The following TRMT11 variants were observed in gnomAD, a reference collection of about 807,000 sequenced individuals.
TRMT11 encodes the protein tRNA methyltransferase 11, also known as tRNA (guanine(10)-N(2))-methyltransferase TRMT11.
In TRMT11, 53 loss-of-function variants were observed where a neutral mutation model predicts 62.8. The ratio of observed to expected loss-of-function variants is 0.84; its 90% CI spans 0.68 to 1.06. TRMT11 has a LOEUF of 1.06. Ranked by LOEUF, TRMT11 falls within the 50% of genes least tolerant of loss-of-function variation. TRMT11 has a pLI of 0.00. For synonymous variants in TRMT11, 188 were observed against 190.3 expected (o/e 0.99, Z 0.10); for missense variants, 556 against 553.4 (o/e 1.00, Z -0.05).
At chr6:126,156,923 T>C (rs553804336) in intron 21 of TRMT11, among the ~76,000 whole-genome samples, 1 of 152,310 alleles carries the variant, frequency 6.6e-6, no homozygotes, top group African/African-American at 2.4e-5. Context: ...ATATCACTCA[T>C]ACACAGGCAT....
chr6:126,181,068 T>C (rs1361053420), intron 1 of TRMT11, among the ~76,000 whole-genome samples: 8 of 152,242 alleles, frequency 5.3e-5, no homozygotes, highest in Admixed American at 3.9e-4. Context: ...AAGAGGATTT[T>C]TTTTTAAAGG....
At chr6:126,143,202 G>C (rs1777939011) in intron 21 of TRMT11, among the ~76,000 whole-genome samples, 1 of 152,052 alleles carries the variant, frequency 6.6e-6, no homozygotes, top group Admixed American at 6.6e-5. Flanking sequence ...TTTTTTCTGA[G>C]TATTAACATT....
At chr6:126,253,987 G>T in the TRMT11 span, among the ~76,000 whole-genome samples, 1 of 152,104 alleles carries the variant, frequency 6.6e-6, no homozygotes, top group Admixed American at 6.5e-5. Context: ...ATATTTCTCA[G>T]GTCAAACAGT....
chr6:126,066,780 G>A (rs1776704536), intron 17 of TRMT11, among the ~76,000 whole-genome samples: 1 of 152,116 alleles, frequency 6.6e-6, no homozygotes, highest in Admixed American at 6.5e-5. Flanking sequence ...AAGTCACATG[G>A]CTTATCAGTG....
At chr6:126,206,165 C>T (rs117527023), downstream of TRMT11, among the ~76,000 whole-genome samples, 734 of 152,282 alleles carry the variant, frequency 4.8e-3, 1 homozygote, top group Non-Finnish European at 8.5e-3. Context: ...GTCAGCTTGG[C>T]CAAAGCCATT....
At chr6:126,125,911 C>G (rs769241231) in intron 21 of TRMT11, among the ~76,000 whole-genome samples, 39 of 152,094 alleles carry the variant, frequency 2.6e-4, no homozygotes, top group South Asian at 6.2e-4. Flanking sequence ...TCTTCTTTCT[C>G]CGAAACACAC....
chr6:126,051,308 A>T (rs1368025839), intron 16 of TRMT11, among the ~76,000 whole-genome samples: 1 of 152,188 alleles, frequency 6.6e-6, no homozygotes, highest in Non-Finnish European at 1.5e-5. Context: ...CAGAGGACAT[A>T]GCAAAGGAAT....
At chr6:126,032,552 C>T (rs912709817) in intron 12 of TRMT11, among the ~76,000 whole-genome samples, 8 of 152,104 alleles carry the variant, frequency 5.3e-5, no homozygotes, top group African/African-American at 1.9e-4. Context: ...TTTAATTCAT[C>T]CTTTAGGTCT....
chr6:126,004,498 A>C (rs193093724), intron 7 of TRMT11, among the ~76,000 whole-genome samples: 19 of 152,184 alleles, frequency 1.2e-4, no homozygotes, highest in African/African-American at 4.6e-4. Context: ...ATAATAACCA[A>C]TAATTGTGAA....
chr6:126,104,265 C>G (rs866804337), intron 17 of TRMT11, among the ~76,000 whole-genome samples: 1 of 152,136 alleles, frequency 6.6e-6, no homozygotes, highest in Non-Finnish European at 1.5e-5. Flanking sequence ...AAGCTTTACT[C>G]TTGCCGGAGC....
chr6:126,138,677 A>G (rs1234499373), intron 21 of TRMT11, among the ~76,000 whole-genome samples: 3 of 152,086 alleles, frequency 2.0e-5, no homozygotes, highest in African/African-American at 4.8e-5. Context: ...GGCTTCTAAA[A>G]TGTACAAAAA....
At chr6:126,029,325 T>C (rs550918865) in intron 12 of TRMT11, among the ~76,000 whole-genome samples, 16 of 152,290 alleles carry the variant, frequency 1.1e-4, no homozygotes, top group African/African-American at 3.8e-4. Context: ...GCCACCAAGG[T>C]CAAGGTTATA....
chr6:126,114,714 C>T (rs1777568453), exon 19 of TRMT11, among the ~76,000 whole-genome samples: 1 of 152,060 alleles, frequency 6.6e-6, no homozygotes, highest in Non-Finnish European at 1.5e-5. Flanking sequence ...GGGCCTACTC[C>T]AATATCTAGA....
intron 17 of TRMT11, among the ~76,000 whole-genome samples, chr6:126,078,037 A>G (rs1215313210): frequency 6.6e-6 from 1 of 152,174 alleles, no homozygotes; most frequent in Non-Finnish European, 1.5e-5. Flanking sequence ...CACCCCACTG[A>G]GGAAACAGGG....
chr6:126,092,165 T>C lies in TRMT11; in HGVS notation c.*1438-20701T>C, dbSNP rs76809552. Among the ~76,000 whole-genome samples, 973 of 152,362 alleles carry C rather than the reference T, an allele frequency of 6.4e-3. 12 individuals are homozygous for C. Among genetic ancestry groups the C allele is most frequent in the African/African-American group, 0.022 (899 of 41,584 alleles). On this transcript the variant is annotated intron_variant and NMD_transcript_variant, in intron 17 of 22. Transcript: ENST00000648977. Reference sequence around the variant, plus strand: ...TGGTGTGTTTAATTACGATGACTTATAGTGGTTGAATTCTCTGTGTAGATT... The same window carrying C: ...TGGTGTGTTTAATTACGATGACTTACAGTGGTTGAATTCTCTGTGTAGATT...
chr6:126,188,897 A>G (rs112361876), intron 1 of TRMT11, among the ~76,000 whole-genome samples: 13 of 152,296 alleles, frequency 8.5e-5, no homozygotes, highest in African/African-American at 3.1e-4. Flanking sequence ...CATTAAATAC[A>G]TATAGCTATT....
chr6:126,153,607 G>A (rs1778083641), intron 21 of TRMT11, among the ~76,000 whole-genome samples: 1 of 152,184 alleles, frequency 6.6e-6, no homozygotes, highest in Non-Finnish European at 1.5e-5. Flanking sequence ...CAGAAATTTA[G>A]AGGTTGCGCT....
chr6:126,174,306 C>A (rs1434184032), upstream of TRMT11, among the ~76,000 whole-genome samples: 1 of 152,184 alleles, frequency 6.6e-6, no homozygotes, highest in East Asian at 1.9e-4. Flanking sequence ...TTATTTCAGA[C>A]ACATCTACAG....
chr6:126,221,175 G>A, the TRMT11 span, among the ~76,000 whole-genome samples: 1 of 152,148 alleles, frequency 6.6e-6, no homozygotes, highest in Non-Finnish European at 1.5e-5. Context: ...ATGTTACCTA[G>A]GTTGATTCCA....
Sources: gnomAD v4.1 joint callset for allele counts (sites outside exome capture counted in the v4.1 genomes callset) on GRCh38, gnomAD v4.1.1 for gene constraint, MANE v1.5 for transcripts, NCBI Gene and HGNC (gene_info 2026-07-23, HGNC 2026-07-21) for gene names.